SLC24A2: variants seen among roughly 807,000 people sequenced by gnomAD.
The protein encoded by SLC24A2 is sodium/potassium/calcium exchanger 2.
Under a neutral mutation model 62.0 loss-of-function variants are expected in SLC24A2, and 36 were observed. The observed-to-expected ratio is 0.58, with a 90% CI of 0.44 to 0.77. The LOEUF is 0.77. Among genes scored for constraint, SLC24A2 ranks in the 30% least tolerant of loss-of-function variants. The pLI, the probability that SLC24A2 is intolerant of heterozygous loss-of-function variation, is 0.00. For synonymous variants in SLC24A2, 358 were observed against 294.0 expected, an observed-to-expected ratio of 1.22 and a Z score of -2.23; for missense variants, 846 against 817.9, an observed-to-expected ratio of 1.03 and a Z score of -0.42.
intron 4 of SLC24A2, among the ~76,000 whole-genome samples, chr9:19,612,746 T>G (rs1413293884): frequency 1.3e-5 from 2 of 151,720 alleles, no homozygotes; most frequent in Non-Finnish European, 2.9e-5. Flanking sequence ...GTATGGTGTC[T>G]TGTACCTGTA....
chr9:20,240,323 C>A, the SLC24A2 span, among the ~76,000 whole-genome samples: 2 of 152,164 alleles, frequency 1.3e-5, no homozygotes, highest in African/African-American at 2.4e-5. Context: ...AACTCAGGAC[C>A]ATGAGGATAC....
the SLC24A2 span, among the ~76,000 whole-genome samples, chr9:20,205,129 C>T: frequency 6.6e-6 from 1 of 152,174 alleles, no homozygotes; most frequent in Admixed American, 6.5e-5. Flanking sequence ...GAATTCACAG[C>T]ATTGCCACGT....
chr9:19,771,497 T>C (rs1275280065), intron 2 of SLC24A2, among the ~76,000 whole-genome samples: 3 of 152,180 alleles, frequency 2.0e-5, no homozygotes, highest in Non-Finnish European at 2.9e-5. Context: ...TGGCCCTTCA[T>C]AGTAAGCATC....
the SLC24A2 span, among the ~76,000 whole-genome samples, chr9:20,272,213 A>G: frequency 6.6e-6 from 1 of 152,232 alleles, no homozygotes; most frequent in East Asian, 1.9e-4. Context: ...CAGCACTAAA[A>G]TTAGAAAATG....
At chr9:20,210,828 C>T in the SLC24A2 span, among the ~76,000 whole-genome samples, 3 of 150,438 alleles carry the variant, frequency 2.0e-5, no homozygotes, top group Non-Finnish European at 2.9e-5. Context: ...TGCACGTGAA[C>T]GGTGCCAAGG....
At chr9:19,621,630 T>C (rs1817911286) in intron 3 of SLC24A2, among the ~76,000 whole-genome samples, 1 of 152,158 alleles carries the variant, frequency 6.6e-6, no homozygotes, top group South Asian at 2.1e-4. Context: ...TTTACGATGG[T>C]GCAAAATCTG....
the SLC24A2 span, among the ~76,000 whole-genome samples, chr9:19,992,858 T>C: frequency 6.6e-6 from 1 of 152,228 alleles, no homozygotes; most frequent in African/African-American, 2.4e-5. Context: ...AATCCCTTCC[T>C]GGGAACCGCA....
chr9:20,138,236 A>T, the SLC24A2 span, among the ~76,000 whole-genome samples: 1 of 152,148 alleles, frequency 6.6e-6, no homozygotes, highest in African/African-American at 2.4e-5. Context: ...GTATCTAGGG[A>T]CTATTTTCCA....
At chr9:20,026,309 A>G in the SLC24A2 span, among the ~76,000 whole-genome samples, 1 of 152,236 alleles carries the variant, frequency 6.6e-6, no homozygotes, top group Admixed American at 6.5e-5. Context: ...TCCAGCCTAC[A>G]GGCCAGATTT....
chr9:20,161,103 T>C, the SLC24A2 span, among the ~76,000 whole-genome samples: 1 of 151,506 alleles, frequency 6.6e-6, no homozygotes, highest in Non-Finnish European at 1.5e-5. Flanking sequence ...AATACTGTTA[T>C]ATACACTTCT....
the SLC24A2 span, among the ~76,000 whole-genome samples, chr9:20,059,480 T>C: frequency 2.0e-4 from 30 of 152,116 alleles, 1 homozygote; most frequent in East Asian, 5.8e-3. Context: ...ATAAAACAAT[T>C]AGAAATCAAT....
intron 2 of SLC24A2, among the ~76,000 whole-genome samples, chr9:19,736,247 A>T (rs1170656376): frequency 2.0e-5 from 3 of 152,138 alleles, no homozygotes; most frequent in Non-Finnish European, 4.4e-5. Context: ...AAAGAGTAGC[A>T]AAAAAAGGAG....
chr9:20,175,852 G>A, the SLC24A2 span, among the ~76,000 whole-genome samples: 1 of 152,020 alleles, frequency 6.6e-6, no homozygotes, highest in South Asian at 2.1e-4. Context: ...ATAAATAACT[G>A]TATGATGGAA....
chr9:19,851,636 T>C, the SLC24A2 span, among the ~76,000 whole-genome samples: 5 of 152,178 alleles, frequency 3.3e-5, no homozygotes, highest in East Asian at 5.8e-4. Flanking sequence ...CCTCCATCCA[T>C]GTCCCTGCAA....
At chr9:19,925,415 G>C in the SLC24A2 span, among the ~76,000 whole-genome samples, 1 of 152,098 alleles carries the variant, frequency 6.6e-6, no homozygotes, top group East Asian at 1.9e-4. Context: ...TTTGGCATAG[G>C]TAAGCACAAT....
intron 2 of SLC24A2, among the ~76,000 whole-genome samples, chr9:19,657,788 C>A (rs749698902): frequency 5.3e-5 from 8 of 152,082 alleles, no homozygotes; most frequent in African/African-American, 9.7e-5. Flanking sequence ...AGTGCAGTGG[C>A]ACAATCCCAG....
At chr9:19,524,065 G>A (rs1012465223) in intron 9 of SLC24A2, among the ~76,000 whole-genome samples, 3 of 146,432 alleles carry the variant, frequency 2.0e-5, no homozygotes, top group Non-Finnish European at 3.0e-5. Context: ...AAAAATCAGG[G>A]AGCATCAGAG....
chr9:19,722,709 AAC>A (rs1427115589), intron 2 of SLC24A2, among the ~76,000 whole-genome samples: 1 of 152,076 alleles, frequency 6.6e-6, no homozygotes, highest in African/African-American at 2.4e-5. Flanking sequence ...ACTAACTTTT[AAC>A]TTGAAGAGCC....
the SLC24A2 span, among the ~76,000 whole-genome samples, chr9:20,133,805 G>A: frequency 1.5e-4 from 23 of 152,116 alleles, no homozygotes; most frequent in Admixed American, 1.4e-3. Context: ...AGCTCAGCCT[G>A]CCTAAGATAT....
Sources: allele counts gnomAD v4.1 joint callset (sites outside exome capture counted in the v4.1 genomes callset), GRCh38; gene constraint gnomAD v4.1.1; transcripts MANE v1.5; gene names NCBI Gene and HGNC (gene_info 2026-07-23, HGNC 2026-07-21).